The following CCZ1 variants were observed in gnomAD, a reference collection of about 807,000 sequenced individuals.
The protein encoded by CCZ1 is vacuolar fusion protein CCZ1 homolog.
A neutral mutation model predicts 57.8 loss-of-function variants in CCZ1; 19 were observed. The observed-to-expected ratio is 0.33, with a 90% confidence interval of 0.23 to 0.48. The LOEUF is 0.48. Ranked by LOEUF, CCZ1 falls within the 20% of genes least tolerant of loss-of-function variation. The pLI is 0.99. For synonymous variants in CCZ1, 81 were observed against 167.0 expected (o/e 0.49, Z 3.97); for missense variants, 200 against 492.0 (o/e 0.41, Z 5.61).
intron 7 of CCZ1, among the ~76,000 whole-genome samples, chr7:5,908,425 C>G (rs1323134750): frequency 6.8e-6 from 1 of 147,692 alleles, no homozygotes; most frequent in East Asian, 2.2e-4. Context: ...GTTGCCCAGG[C>G]TAGAGTGCAG....
intron 12 of CCZ1, among the ~76,000 whole-genome samples, chr7:5,920,487 T>TTTTTTTTA (rs1360301005): frequency 1.7e-5 from 2 of 117,396 alleles, no homozygotes; most frequent in Non-Finnish European, 1.8e-5. Context: ...TTTTTTTTTT[T>TTTTTTTTA]GAGACAAATT....
intron 6 of CCZ1, among the ~76,000 whole-genome samples, chr7:5,903,772 T>A (rs1335264367): frequency 6.8e-6 from 1 of 147,264 alleles, no homozygotes; most frequent in African/African-American, 2.6e-5. Context: ...TGCGGGCAGA[T>A]CTTGAGGTCA....
chr7:5,915,356 C>G (rs1252692539), intron 10 of CCZ1, among the ~76,000 whole-genome samples: 1 of 143,886 alleles, frequency 6.9e-6, no homozygotes, highest in Non-Finnish European at 1.5e-5. Flanking sequence ...AAGTTTGAGA[C>G]CCCATCTCAA....
chr7:5,914,437 A>C lies in CCZ1; in HGVS notation c.954+1483A>C, dbSNP rs1779108810. Among the ~76,000 whole-genome samples, 2 of 148,902 alleles carry C rather than the reference A, an allele frequency of 1.3e-5. 1 individual carries two copies. Among genetic ancestry groups the C allele is most frequent in the African/African-American group, 5.0e-5 (2 of 40,170 alleles). The stretch of plus-strand genomic sequence containing the variant: ...GGTGACAGAGTGAAACCCTCTCAAA[A>C]ATAATGAAACTGGTATCAACAGTTT... On this transcript the variant is annotated intron_variant, in intron 10 of 14. Coordinates refer to ENST00000325974, the MANE Select transcript of CCZ1 (RefSeq NM_015622.6).
At position 5,925,825 on chromosome 7, in the gene CCZ1, C is replaced by T. The variant is rs1269019045; in HGVS notation, c.*138C>T. ...TGCTTTGAAGAATCACATTTCGACT[C>T]GGTCTGCTGATCTGAGGTTTTTAGA... On this transcript the variant is annotated 3_prime_UTR_variant, in exon 15 of 15. Coordinates refer to ENST00000325974, the MANE Select transcript of CCZ1 (RefSeq NM_015622.6). The T allele has an allele frequency of 1.6e-5, 22 of 1,412,808 alleles. 1 individual carries two copies. The highest frequency in any genetic ancestry group is 1.8e-4 in the Middle Eastern group (1 of 5,454). 87.5% of individuals were successfully genotyped at this position (1,412,808 alleles called of 1,614,324 possible).
intron 4 of CCZ1, 167 bp from the exon 5 acceptor site, chr7:5,901,490 A>G: frequency 8.2e-7 from 1 of 1,219,310 alleles, no homozygotes; most frequent in Non-Finnish European, 1.1e-6. Context: ...ATCTCAAAAA[A>G]AAAAAAAAAA....
intron 10 of CCZ1, among the ~76,000 whole-genome samples, chr7:5,914,705 T>C (rs1249189800): frequency 6.8e-6 from 1 of 148,078 alleles, no homozygotes; most frequent in East Asian, 2.2e-4. Context: ...GGAAACCCTG[T>C]CTCTACTAAA....
chr7:5,902,496 C>T (rs1476084529), intron 5 of CCZ1, 165 bp from the exon 6 acceptor site: 1 of 1,251,250 alleles, frequency 8.0e-7, no homozygotes, highest in African/African-American at 1.6e-5. Context: ...TTTTTTGTAA[C>T]TTACATTTTT....
chr7:5,899,369 GTGTGTGTGTGTGTGGT>G (rs1356579217), intron 1 of CCZ1, among the ~76,000 whole-genome samples: 2,221 of 143,382 alleles, frequency 0.015, 6 homozygotes, highest in South Asian at 0.027. Context: ...GTGTGTGTGT[GTGTGTGTGTGTGTGGT>G]TTTTCTGAGG....
intron 6 of CCZ1, among the ~76,000 whole-genome samples, chr7:5,903,725 G>T (rs1781736711): frequency 6.8e-6 from 1 of 147,682 alleles, no homozygotes; most frequent in African/African-American, 2.6e-5. Context: ...TGGGTGTGGT[G>T]GCTTACGCCT....
Position 5,909,150 on chromosome 7 carries a change from T to C in CCZ1, c.699-885T>C, listed in dbSNP as rs796441146. On this transcript the variant is annotated intron_variant, in intron 7 of 14. Transcript: ENST00000325974. The stretch of plus-strand genomic sequence containing the variant: ...TCAAATGGCATGTAAAATACAGGAC[T>C]GTAGGAGTAGCCTTTTGCAGGTCAG... Among the ~76,000 whole-genome samples, 45 of 147,896 alleles carry C rather than the reference T, an allele frequency of 3.0e-4. 3 individuals are homozygous for C. Among genetic ancestry groups the C allele is most frequent in the African/African-American group, 1.1e-3 (45 of 39,856 alleles).
Position 5,905,175 on chromosome 7 carries a change from A to G in CCZ1, c.604A>G (p.Thr202Ala), listed in dbSNP as rs780070830. 6.9e-5 allele frequency: 108 copies of G among 1,575,794 alleles called. 6 individuals carry two copies. The highest frequency in any genetic ancestry group is 2.4e-5 in the Non-Finnish European group (28 of 1,161,494). ...CAGCTTCTTCCCGTTGGATAAAATG[A>G]CTTATTTGAAAATCCAGTCCTTTAT... Reference protein sequence around the residue: ...GISFFPLDKMTYLKIQSFINR... With the variant: ...GISFFPLDKMAYLKIQSFINR... Residue 202 changes from threonine (T) to alanine (A), a missense_variant, in exon 7 of 15, where the codon ACT becomes GCT. Thr to Ala is a moderately conservative substitution (Grantham distance 58). Coordinates refer to ENST00000325974, the MANE Select transcript of CCZ1 (RefSeq NM_015622.6).
chr7:5,911,993 A>T (rs1270612640), intron 9 of CCZ1, 71 bp downstream of exon 9: 1 of 1,561,432 alleles, frequency 6.4e-7, no homozygotes, highest in East Asian at 2.3e-5. Context: ...TGGCTCTGTT[A>T]CCCAGGCTGG....
rs1475993574 is a variant in CCZ1, at chr7:5,905,178, T to C, written c.607T>C (p.Tyr203His). Reference sequence around the variant, plus strand: ...CTTCTTCCCGTTGGATAAAATGACTTATTTGAAAATCCAGTCCTTTATTAA... The same window carrying C: ...CTTCTTCCCGTTGGATAAAATGACTCATTTGAAAATCCAGTCCTTTATTAA... ...ISFFPLDKMT[Y>H]LKIQSFINRM... The change falls in exon 7 of 15, where the codon TAT (tyrosine) becomes CAT (histidine). Residue 203 changes from tyrosine (Y) to histidine (H), a missense_variant. Transcript: ENST00000325974. 20 of 1,574,144 alleles carry C rather than the reference T, an allele frequency of 1.3e-5. No individual in the cohort carries two copies. The highest frequency in any genetic ancestry group is 1.7e-5 in the Non-Finnish European group (20 of 1,160,136).
At position 5,912,913 on chromosome 7, in the gene CCZ1, A is replaced by G; in HGVS notation, c.913A>G (p.Thr305Ala). The change falls in exon 10 of 15, where the codon ACA becomes GCA. Residue 305 changes from threonine (T) to alanine (A), a missense_variant. Thr to Ala is a moderately conservative substitution (Grantham distance 58). Coordinates refer to ENST00000325974, the MANE Select transcript of CCZ1 (RefSeq NM_015622.6). ...CAGATTCCCCAAAATTTTTGTAAATACAGATGACACTTATGAAGAGCTCCA... is the reference window on the plus strand; with the variant it reads ...CAGATTCCCCAAAATTTTTGTAAATGCAGATGACACTTATGAAGAGCTCCA... Reference protein sequence around the residue: ...KCRFPKIFVNTDDTYEELHLI... With the variant: ...KCRFPKIFVNADDTYEELHLI... 1 of 1,603,736 alleles carries G rather than the reference A, an allele frequency of 6.2e-7. No homozygotes were observed. The highest frequency in any genetic ancestry group is 8.5e-7 in the Non-Finnish European group (1 of 1,174,276).
At chr7:5,913,102 C>T (rs1462531380) in intron 10 of CCZ1, 148 bp downstream of exon 10, 5 of 746,910 alleles carry the variant, frequency 6.7e-6, no homozygotes, top group African/African-American at 1.8e-5. Context: ...AATGGGTGTT[C>T]TTCCAGCGTA....
At chr7:5,900,647 T>C in intron 3 of CCZ1, 81 bp downstream of exon 3, 1 of 1,369,230 alleles carries the variant, frequency 7.3e-7, no homozygotes, top group Non-Finnish European at 9.7e-7. Flanking sequence ...TTTAGGAAAG[T>C]TCTCTGGCTG....
intron 6 of CCZ1, 106 bp from the exon 7 acceptor site, chr7:5,904,988 A>G (rs1431775812): frequency 8.9e-6 from 11 of 1,239,814 alleles, no homozygotes; most frequent in Non-Finnish European, 1.1e-5. Context: ...CTAGTATGTA[A>G]TTGTACCATA....
chr7:5,903,090 CTT>C (rs1449928622), intron 6 of CCZ1, among the ~76,000 whole-genome samples: 1 of 148,722 alleles, frequency 6.7e-6, no homozygotes, highest in Admixed American at 6.7e-5. Context: ...ATAAGGAAAA[CTT>C]AATTATTGGA....
Sources: gnomAD v4.1 joint callset for allele counts (sites outside exome capture counted in the v4.1 genomes callset) on GRCh38, gnomAD v4.1.1 for gene constraint, MANE v1.5 for transcripts, NCBI Gene and HGNC (gene_info 2026-07-23, HGNC 2026-07-21) for gene names.